EML4: variants seen among roughly 807,000 people sequenced by gnomAD.
EML4 encodes EMAP like 4.
In EML4, 72 loss-of-function variants were observed where a neutral mutation model predicts 129.0. The ratio of observed to expected loss-of-function variants is 0.56; its 90% CI spans 0.46 to 0.68. EML4 has a LOEUF of 0.68. Ranked by LOEUF, EML4 falls within the 30% of genes least tolerant of loss-of-function variation. EML4 has a pLI of 0.00. For synonymous variants in EML4, 532 were observed against 405.0 expected (o/e 1.31, Z -3.77); for missense variants, 1,363 against 1,190.6 (o/e 1.14, Z -2.13).
intron 5 of EML4, among the ~76,000 whole-genome samples, chr2:42,263,643 T>C (rs552726132): frequency 2.6e-4 from 39 of 152,088 alleles, no homozygotes; most frequent in Admixed American, 9.2e-4. Context: ...GACCTCATGA[T>C]CTGCCTGCCT....
At chr2:42,180,332 C>T (rs191005659) in intron 1 of EML4, among the ~76,000 whole-genome samples, 5 of 152,292 alleles carry the variant, frequency 3.3e-5, no homozygotes, top group South Asian at 2.1e-4. Flanking sequence ...AGCCAACAGA[C>T]ATATTTTGTT....
At chr2:42,234,753 CT>C (rs1456500431) in intron 1 of EML4, among the ~76,000 whole-genome samples, 4 of 152,154 alleles carry the variant, frequency 2.6e-5, no homozygotes, top group Non-Finnish European at 5.9e-5. Context: ...AAAACAGCAG[CT>C]TTTAATGGAA....
intron 1 of EML4, among the ~76,000 whole-genome samples, chr2:42,220,781 A>C (rs1673542049): frequency 6.6e-6 from 1 of 152,162 alleles, no homozygotes. Context: ...AAAGTTTCTG[A>C]AGAGTGCTAC....
Position 42,271,989 on chromosome 2 carries a change from C to T in EML4, c.667+7258C>T, listed in dbSNP as rs571216581. 3.6e-4 allele frequency among the ~76,000 whole-genome samples: 54 copies of T among 151,472 alleles called. 1 individual carries two copies. Among genetic ancestry groups the T allele is most frequent in the African/African-American group, 1.2e-3 (48 of 41,268 alleles). On this transcript the variant is annotated intron_variant, in intron 6 of 22. Transcript: ENST00000318522. ...TGATGGCACCTGTCTGTTGTCCCCA[C>T]CTACTTGGGAAGCTGAGGCAGGAGA...
chr2:42,253,645 AC>A (rs1675932333), intron 2 of EML4, among the ~76,000 whole-genome samples: 1 of 152,228 alleles, frequency 6.6e-6, no homozygotes, highest in Non-Finnish European at 1.5e-5. Context: ...GATATTAAGT[AC>A]TTTTTGTGTG....
intron 1 of EML4, among the ~76,000 whole-genome samples, chr2:42,216,347 A>T (rs1673191622): frequency 7.3e-6 from 1 of 136,402 alleles, no homozygotes; most frequent in Non-Finnish European, 1.5e-5. Flanking sequence ...GGTTCAAGCG[A>T]TTCTCCTGCC....
chr2:42,178,598 G>A (rs1300931853), intron 1 of EML4, among the ~76,000 whole-genome samples: 2 of 152,112 alleles, frequency 1.3e-5, no homozygotes, highest in East Asian at 1.9e-4. Flanking sequence ...AGTATCCCCC[G>A]TGTGGTGCCT....
At chr2:42,325,184 A>G (rs776597487) in intron 19 of EML4, 11 of 538,790 alleles carry the variant, frequency 2.0e-5, no homozygotes, top group East Asian at 2.0e-4. Flanking sequence ...ATGTGTTGCA[A>G]TGTCCTGTAA....
intron 1 of EML4, among the ~76,000 whole-genome samples, chr2:42,184,917 C>G (rs1015937192): frequency 6.6e-6 from 1 of 152,182 alleles, no homozygotes; most frequent in African/African-American, 2.4e-5. Flanking sequence ...TGAGTGGTAA[C>G]TGCTCTCATA....
intron 20 of EML4, 83 bp downstream of exon 20, chr2:42,325,637 T>TATATATATATATATGC (rs1553397129): frequency 3.4e-5 from 7 of 204,852 alleles, no homozygotes; most frequent in Admixed American, 7.2e-5. Context: ...TATATATATA[T>TATATATATATATATGC]ATGCTAAGAT....
At chr2:42,275,291 A>G (rs1391956969) in intron 6 of EML4, among the ~76,000 whole-genome samples, 1 of 152,172 alleles carries the variant, frequency 6.6e-6, no homozygotes. Flanking sequence ...TGGTTTGTAT[A>G]TTTCCAGTAT....
At chr2:42,285,831 C>T (rs1667274381) in intron 9 of EML4, 1 of 174,388 alleles carries the variant, frequency 5.7e-6, no homozygotes, top group Non-Finnish European at 1.2e-5. Context: ...AATCTCCTGA[C>T]CTCATGATCC....
chr2:42,221,156 G>C (rs1312020483), intron 1 of EML4, among the ~76,000 whole-genome samples: 2 of 152,100 alleles, frequency 1.3e-5, no homozygotes, highest in African/African-American at 2.4e-5. Context: ...AGACAACACT[G>C]TCTTATATTA....
intron 1 of EML4, among the ~76,000 whole-genome samples, chr2:42,215,126 T>G (rs1416051192): frequency 6.6e-6 from 1 of 152,144 alleles, no homozygotes; most frequent in Non-Finnish European, 1.5e-5. Context: ...GTGGCGTGAT[T>G]ATGGCTCACC....
intron 4 of EML4, 144 bp from the exon 5 acceptor site, chr2:42,263,034 C>G: frequency 1.6e-6 from 1 of 642,162 alleles, no homozygotes; most frequent in Non-Finnish European, 2.6e-6. Context: ...CTTCACTCAT[C>G]CAGGCAGTCT....
intron 17 of EML4, among the ~76,000 whole-genome samples, chr2:42,307,546 G>C (rs1668680062): frequency 6.6e-6 from 1 of 152,164 alleles, no homozygotes; most frequent in South Asian, 2.1e-4. Flanking sequence ...ATGAATACCT[G>C]AATGTATTGT....
chr2:42,257,961 G>T (rs768410308), intron 3 of EML4, among the ~76,000 whole-genome samples: 3 of 152,144 alleles, frequency 2.0e-5, no homozygotes, highest in Non-Finnish European at 2.9e-5. Context: ...TAGAAAAAGG[G>T]AAACTAAGAA....
chr2:42,227,499 C>T (rs1443554315), intron 1 of EML4, among the ~76,000 whole-genome samples: 1 of 150,316 alleles, frequency 6.7e-6, no homozygotes, highest in African/African-American at 2.4e-5. Context: ...TTTAAACCAC[C>T]CCTCTTCCAC....
chr2:42,309,249 TA>T (rs200410485), intron 17 of EML4, among the ~76,000 whole-genome samples: 15,137 of 143,628 alleles, frequency 0.11, 948 homozygotes, highest in East Asian at 0.18. Context: ...CTACAAAAAA[TA>T]AAAAAAAAAA....
Sources: allele counts gnomAD v4.1 joint callset (sites outside exome capture counted in the v4.1 genomes callset), GRCh38; gene constraint gnomAD v4.1.1; transcripts MANE v1.5; gene names NCBI Gene and HGNC (gene_info 2026-07-23, HGNC 2026-07-21).